Variants in FBXL5 observed in about 807,000 individuals in gnomAD.
FBXL5 encodes F-box/LRR-repeat protein 5.
FBXL5 carries 26 observed loss-of-function variants against 78.3 expected under a neutral mutation model. That is an observed-to-expected ratio of 0.33 (90% confidence interval 0.24 to 0.46). FBXL5 has a LOEUF of 0.46. Ranked by LOEUF, FBXL5 falls within the 20% of genes least tolerant of loss-of-function variation. The pLI is 1.00. For missense variants in FBXL5, 710 were observed against 829.2 expected (o/e 0.86, Z 1.77); for synonymous variants, 295 against 282.5 (o/e 1.04, Z -0.45).
At chr4:15,621,308 T>C (rs1712458011) in intron 9 of FBXL5, among the ~76,000 whole-genome samples, 1 of 152,204 alleles carries the variant, frequency 6.6e-6, no homozygotes, top group South Asian at 2.1e-4. Context: ...TTCTATATAC[T>C]AGCAATGAAC....
chr4:15,641,330 T>A (rs7696127), intron 2 of FBXL5, among the ~76,000 whole-genome samples: 96,425 of 151,622 alleles, frequency 0.64, 30,758 homozygotes, highest in Non-Finnish European at 0.65. Flanking sequence ...GTTCACTTAA[T>A]TACCGATTTT....
chr4:15,674,095 CA>C (rs1242224077), intron 1 of FBXL5, among the ~76,000 whole-genome samples: 1 of 152,100 alleles, frequency 6.6e-6, no homozygotes, highest in African/African-American at 2.4e-5. Flanking sequence ...TGTTTTCCAA[CA>C]CTCTGAATCA....
intron 10 of FBXL5, among the ~76,000 whole-genome samples, chr4:15,608,462 TA>T (rs1722029862): frequency 6.6e-6 from 1 of 151,632 alleles, no homozygotes; most frequent in South Asian, 2.1e-4. Flanking sequence ...AATGTAGAAA[TA>T]AAAGTTTTTA....
At chr4:15,650,988 T>A (rs974423509) in intron 1 of FBXL5, among the ~76,000 whole-genome samples, 1 of 152,160 alleles carries the variant, frequency 6.6e-6, no homozygotes, top group African/African-American at 2.4e-5. Flanking sequence ...TACAGCCTGG[T>A]TTCAAACTGA....
chr4:15,660,585 C>T (rs1717258750), upstream of FBXL5, among the ~76,000 whole-genome samples: 1 of 152,318 alleles, frequency 6.6e-6, no homozygotes, highest in African/African-American at 2.4e-5. Context: ...CCTACCTACC[C>T]ACAAGATCTA....
At chr4:15,618,045 T>C (rs1224105249) in intron 9 of FBXL5, among the ~76,000 whole-genome samples, 1 of 151,914 alleles carries the variant, frequency 6.6e-6, no homozygotes, top group African/African-American at 2.4e-5. Context: ...GGGGAAACAA[T>C]AAAGATGAGA....
rs1396559374 is a variant in FBXL5, at chr4:15,681,064, T to C, written c.-284+319A>G. ...TTGTTAATGATCAAGAAATCTGCTT[T>C]GTTACAATCATTAGAGGACAGAAAT... On this transcript the variant is annotated intron_variant, in intron 1 of 4. Transcript: ENST00000507899. 2.6e-5 allele frequency among the ~76,000 whole-genome samples: 4 copies of C among 151,866 alleles called. No individual in the cohort carries two copies. The East Asian group carries it at 7.7e-4, about 29-fold the overall frequency.
intron 1 of FBXL5, among the ~76,000 whole-genome samples, chr4:15,645,215 G>T (rs1459651451): frequency 6.6e-6 from 1 of 151,768 alleles, no homozygotes; most frequent in Non-Finnish European, 1.5e-5. Flanking sequence ...CAGGAATGAC[G>T]GTCTGATGAC....
At chr4:15,606,751 T>A (rs1414602512) in intron 10 of FBXL5, among the ~76,000 whole-genome samples, 1 of 152,114 alleles carries the variant, frequency 6.6e-6, no homozygotes, top group African/African-American at 2.4e-5. Flanking sequence ...CAATACAAAA[T>A]GAAAACTGTA....
chr4:15,642,264 C>T (rs940967746), intron 2 of FBXL5, among the ~76,000 whole-genome samples: 3 of 143,848 alleles, frequency 2.1e-5, no homozygotes, highest in African/African-American at 7.8e-5. Context: ...TTTTTTAAGA[C>T]AAGCCTTGCT....
Position 15,612,318 on chromosome 4 carries a change from T to C in FBXL5, c.1947A>G (p.Ser649=). 1 of 1,612,556 alleles carries C rather than the reference T, an allele frequency of 6.2e-7. No homozygotes were observed. The highest frequency in any genetic ancestry group is 8.5e-7 in the Non-Finnish European group (1 of 1,179,308). ...ITGAGLQDLV[S]ACPSLNDEYF... ...ATTCATCATTCAGAGAAGGACATGC[T>C]GAAACCAAATCCTGCAGGCCTGCAC... Residue 649 remains serine, a synonymous_variant, in exon 10 of 11, where the codon TCA becomes TCG. Transcript: ENST00000341285.
upstream of FBXL5, among the ~76,000 whole-genome samples, chr4:15,657,773 T>A (rs1717074726): frequency 1.3e-5 from 2 of 152,224 alleles, no homozygotes; most frequent in Non-Finnish European, 2.9e-5. Flanking sequence ...GAACTTTAGC[T>A]CTAAAGAGGT....
At chr4:15,664,934 T>C (rs1451709007) in intron 1 of FBXL5, among the ~76,000 whole-genome samples, 3 of 152,122 alleles carry the variant, frequency 2.0e-5, no homozygotes, top group Non-Finnish European at 4.4e-5. Flanking sequence ...ATCATTAATA[T>C]GTGAATCTTA....
At chr4:15,664,661 A>C (rs1423480881), upstream of FBXL5, among the ~76,000 whole-genome samples, 1 of 146,760 alleles carries the variant, frequency 6.8e-6, no homozygotes, top group Non-Finnish European at 1.5e-5. Context: ...GGGTTCAAGC[A>C]ATTCTCCTGC....
At chr4:15,607,664 TC>T (rs941110321) in intron 10 of FBXL5, among the ~76,000 whole-genome samples, 9 of 152,082 alleles carry the variant, frequency 5.9e-5, no homozygotes, top group African/African-American at 2.2e-4. Context: ...AGCTTGTCTT[TC>T]CTCACCCCTT....
intron 1 of FBXL5, among the ~76,000 whole-genome samples, chr4:15,672,028 A>C (rs1717791003): frequency 6.6e-6 from 1 of 152,152 alleles, no homozygotes; most frequent in Non-Finnish European, 1.5e-5. Flanking sequence ...TGGAGATTAC[A>C]TTGTGGATTT....
At chr4:15,656,027 G>A (rs983404260), upstream of FBXL5, among the ~76,000 whole-genome samples, 13 of 152,360 alleles carry the variant, frequency 8.5e-5, no homozygotes, top group African/African-American at 2.9e-4. Flanking sequence ...AAATTCGGGA[G>A]ACTCAACGTG....
intron 1 of FBXL5, among the ~76,000 whole-genome samples, chr4:15,674,552 T>G (rs556134986): frequency 9.2e-5 from 14 of 152,284 alleles, no homozygotes; most frequent in African/African-American, 3.4e-4. Context: ...CCTTACAAAA[T>G]TATTACTCAT....
chr4:15,634,595 G>C (rs1183406514), intron 5 of FBXL5, among the ~76,000 whole-genome samples: 5 of 151,796 alleles, frequency 3.3e-5, no homozygotes, highest in African/African-American at 1.2e-4. Context: ...TCAAACTCCT[G>C]AACTCAGGTG....
Sources: gnomAD v4.1 joint callset for allele counts (sites outside exome capture counted in the v4.1 genomes callset) on GRCh38, gnomAD v4.1.1 for gene constraint, MANE v1.5 for transcripts, NCBI Gene and HGNC (gene_info 2026-07-23, HGNC 2026-07-21) for gene names.